ATP10B: variants seen among roughly 807,000 people sequenced by gnomAD.
ATP10B encodes ATPase phospholipid transporting 10B (putative), also known as phospholipid-transporting ATPase VB.
ATP10B carries 122 observed loss-of-function variants against 141.2 expected under a neutral mutation model. The ratio of observed to expected loss-of-function variants is 0.86; its 90% CI spans 0.75 to 1.00. The LOEUF (loss-of-function observed/expected upper bound fraction) is 1.00. Ranked by LOEUF, ATP10B falls within the 50% of genes least tolerant of loss-of-function variation. The pLI, the probability that ATP10B is intolerant of heterozygous loss-of-function variation, is 0.00. For missense variants in ATP10B, 1,876 were observed against 1,825.3 expected (o/e 1.03, Z -0.51); for synonymous variants, 685 against 692.0 (o/e 0.99, Z 0.16).
chr5:160,923,674 A>G, the ATP10B span, among the ~76,000 whole-genome samples: 1 of 152,216 alleles, frequency 6.6e-6, no homozygotes, highest in African/African-American at 2.4e-5. Context: ...CATAAATACC[A>G]CTTATGAGGA....
chr5:160,687,119 T>C (rs1213433092), intron 5 of ATP10B: 1 of 187,628 alleles, frequency 5.3e-6, no homozygotes, highest in East Asian at 1.9e-4. Context: ...CTTTCTTAAC[T>C]AGGCCAAGAT....
chr5:160,720,919 T>C (rs535263350), intron 2 of ATP10B, among the ~76,000 whole-genome samples: 18 of 152,362 alleles, frequency 1.2e-4, no homozygotes, highest in African/African-American at 3.8e-4. Flanking sequence ...TTTCTTACTA[T>C]TGTTGATTAC....
intron 1 of ATP10B, among the ~76,000 whole-genome samples, chr5:160,804,786 T>C (rs1353698529): frequency 6.6e-6 from 1 of 152,208 alleles, no homozygotes; most frequent in East Asian, 1.9e-4. Flanking sequence ...CTTTTCCTTA[T>C]AAATAAAATA....
intron 2 of ATP10B, among the ~76,000 whole-genome samples, chr5:160,737,734 A>G (rs553364659): frequency 1.3e-5 from 2 of 152,312 alleles, no homozygotes; most frequent in South Asian, 2.1e-4. Flanking sequence ...GAGGCATTTT[A>G]TAATATTAAA....
At chr5:160,700,014 A>T (rs918416538) in intron 3 of ATP10B, among the ~76,000 whole-genome samples, 1 of 152,172 alleles carries the variant, frequency 6.6e-6, no homozygotes, top group African/African-American at 2.4e-5. Context: ...AGTCATGAAG[A>T]AGGGGCTGTC....
chr5:160,730,946 C>T (rs1766694323), intron 2 of ATP10B, among the ~76,000 whole-genome samples: 1 of 152,096 alleles, frequency 6.6e-6, no homozygotes. Context: ...TTGTCCTGGC[C>T]CCTGTCCTTT....
At chr5:160,589,846 G>C in intron 23 of ATP10B, 150 bp from the exon 24 acceptor site, 1 of 615,758 alleles carries the variant, frequency 1.6e-6, no homozygotes, top group Non-Finnish European at 2.9e-6. Flanking sequence ...CCGAGGAACA[G>C]GTCAAGGTAA....
At chr5:160,813,962 C>T (rs1054005955) in intron 1 of ATP10B, among the ~76,000 whole-genome samples, 2 of 152,008 alleles carry the variant, frequency 1.3e-5, no homozygotes, top group East Asian at 3.9e-4. Flanking sequence ...GAAAGGACAC[C>T]CACACCAAAA....
chr5:160,758,636 C>T (rs1300767332), intron 2 of ATP10B, among the ~76,000 whole-genome samples: 1 of 152,170 alleles, frequency 6.6e-6, no homozygotes, highest in Non-Finnish European at 1.5e-5. Context: ...TGTAGGCAGC[C>T]AGGCCACTTG....
chr5:160,699,540 G>A (rs772136065), intron 3 of ATP10B, among the ~76,000 whole-genome samples: 27 of 152,200 alleles, frequency 1.8e-4, no homozygotes, highest in Non-Finnish European at 3.2e-4. Flanking sequence ...GGTGGGGGCA[G>A]GCATGGAGCA....
chr5:160,877,869 A>C, the ATP10B span, among the ~76,000 whole-genome samples: 4 of 146,598 alleles, frequency 2.7e-5, no homozygotes, highest in Admixed American at 2.8e-4. Flanking sequence ...ACCACAGCTC[A>C]ATGAAATAAA....
rs146638394 is a variant in ATP10B, at chr5:160,654,119, C to CGT, written c.676-4865_676-4864dup. Among the ~76,000 whole-genome samples the CGT allele has an allele frequency of 3.6e-4, 49 of 137,514 alleles. 2 individuals carry two copies. Among genetic ancestry groups the CGT allele is most frequent in the Admixed American group, 1.0e-3 (14 of 13,794 alleles). 90.2% of individuals were successfully genotyped at this position (137,514 alleles called of 152,430 possible). A position where few individuals can be genotyped will look rare whatever the true frequency, so the allele number is the denominator to read the frequency against. On this transcript the variant is annotated intron_variant, in intron 7 of 25. Transcript: ENST00000327245. Reference sequence around the variant, plus strand: ...ATATACGTATATACATATATAAATACGTGTGTGTGTGTGTATGTATATGTT... The same window carrying CGT: ...ATATACGTATATACATATATAAATACGTGTGTGTGTGTGTGTATGTATATGTT...
In ATP10B at chr5:160,564,007, G is replaced by A. The variant is rs1754402051; in HGVS notation, c.*1446C>T. On this transcript the variant is annotated 3_prime_UTR_variant, in exon 26 of 26. Coordinates refer to ENST00000327245, the MANE Select transcript of ATP10B (RefSeq NM_025153.3). ...CCAGTCCAGGTTTGCCAGGAAGATG[G>A]TCAGAGGGCCAGCTCCCTGTGTCAT... 6.6e-6 allele frequency: 1 copy of A among 152,194 alleles called. No individual in the cohort carries two copies. The highest frequency in any genetic ancestry group is 2.4e-5 in the African/African-American group (1 of 41,428). 9.4% of individuals were successfully genotyped at this position (152,194 alleles called of 1,614,324 possible). A position where few individuals can be genotyped will look rare whatever the true frequency, so the allele number is the denominator to read the frequency against.
intron 1 of ATP10B, among the ~76,000 whole-genome samples, chr5:160,836,272 C>T (rs1775423449): frequency 6.6e-6 from 1 of 152,016 alleles, no homozygotes; most frequent in South Asian, 2.1e-4. Flanking sequence ...GCAACTAAAC[C>T]TTGGATGACC....
chr5:160,856,742 TA>T (rs200833041), upstream of ATP10B, among the ~76,000 whole-genome samples: 961 of 151,954 alleles, frequency 6.3e-3, 7 homozygotes, highest in Middle Eastern at 0.01. Context: ...TTTACTGAGA[TA>T]TTTTTTATCG....
At chr5:160,838,626 G>T (rs945176109) in intron 1 of ATP10B, among the ~76,000 whole-genome samples, 1 of 151,980 alleles carries the variant, frequency 6.6e-6, no homozygotes, top group African/African-American at 2.4e-5. Context: ...ATGAATAATG[G>T]TTAGTAATGT....
intron 2 of ATP10B, among the ~76,000 whole-genome samples, chr5:160,729,344 CT>C (rs1211976983): frequency 2.6e-5 from 4 of 152,190 alleles, no homozygotes; most frequent in Non-Finnish European, 5.9e-5. Context: ...GACACAATTT[CT>C]TCTGTCCTTC....
At chr5:160,658,965 T>C (rs755647682) in intron 7 of ATP10B, among the ~76,000 whole-genome samples, 61 of 152,314 alleles carry the variant, frequency 4.0e-4, no homozygotes, top group Admixed American at 1.8e-3. Flanking sequence ...TATACCATAT[T>C]AGATTGGTAT....
intron 7 of ATP10B, among the ~76,000 whole-genome samples, chr5:160,660,933 T>C (rs1021933035): frequency 2.0e-5 from 3 of 152,178 alleles, no homozygotes; most frequent in Non-Finnish European, 4.4e-5. Flanking sequence ...ACGCCTGTAA[T>C]CCCAACAGTT....
Sources: gnomAD v4.1 joint callset for allele counts (sites outside exome capture counted in the v4.1 genomes callset) on GRCh38, gnomAD v4.1.1 for gene constraint, MANE v1.5 for transcripts, NCBI Gene and HGNC (gene_info 2026-07-23, HGNC 2026-07-21) for gene names.